The following TBC1D22B variants were observed in gnomAD, a reference collection of about 807,000 sequenced individuals.
The protein encoded by TBC1D22B is chromosome 6 open reading frame 197.
A neutral mutation model predicts 69.1 loss-of-function variants in TBC1D22B; 32 were observed. The ratio of observed to expected loss-of-function variants is 0.46; its 90% CI spans 0.35 to 0.62. TBC1D22B has a LOEUF of 0.62. Among genes scored for constraint, TBC1D22B ranks in the 20% least tolerant of loss-of-function variants. The pLI, the probability that TBC1D22B is intolerant of heterozygous loss-of-function variation, is 0.00. For missense variants in TBC1D22B, 462 were observed against 630.9 expected, an observed-to-expected ratio of 0.73 and a Z score of 2.87; for synonymous variants, 206 against 229.8, an observed-to-expected ratio of 0.90 and a Z score of 0.94.
chr6:37,269,530 C>T lies in TBC1D22B; in HGVS notation c.57-64C>T, dbSNP rs1766413781. On this transcript the variant is annotated intron_variant, in intron 1 of 12. Coordinates refer to ENST00000373491, the MANE Select transcript of TBC1D22B (RefSeq NM_017772.4). ...ATCCAATTTTGTGATGCAGATGGCA[C>T]TTAGCCAACATATTTAGTTTCCTAA... is the stretch of plus-strand genomic sequence containing the variant. 15 of 1,536,342 alleles carry T rather than the reference C, an allele frequency of 9.8e-6. No individual in the cohort carries two copies. The East Asian group carries it at 1.6e-4, about 16-fold the overall frequency.
chr6:37,300,252 G>T (rs962560104), intron 8 of TBC1D22B, among the ~76,000 whole-genome samples: 3 of 151,742 alleles, frequency 2.0e-5, no homozygotes, highest in East Asian at 3.9e-4. Flanking sequence ...TAATTACATG[G>T]TTCTGCTGCT....
chr6:37,274,320 CAGTGT>C (rs1347139355), intron 2 of TBC1D22B, among the ~76,000 whole-genome samples: 2 of 152,200 alleles, frequency 1.3e-5, no homozygotes, highest in Non-Finnish European at 2.9e-5. Context: ...ATTAGTAAGA[CAGTGT>C]AGTATGATCA....
chr6:37,311,881 C>G (rs1042721183), intron 8 of TBC1D22B, among the ~76,000 whole-genome samples: 17 of 152,180 alleles, frequency 1.1e-4, no homozygotes, highest in Admixed American at 2.0e-4. Flanking sequence ...AGGGGCCTTT[C>G]TTGTTGGGCA....
intron 6 of TBC1D22B, among the ~76,000 whole-genome samples, chr6:37,285,503 T>C (rs1321927398): frequency 6.6e-6 from 1 of 151,874 alleles, no homozygotes; most frequent in Non-Finnish European, 1.5e-5. Context: ...TTTTTCTTTA[T>C]CTTTTTTGAG....
chr6:37,328,029 G>A (rs1768478463), intron 12 of TBC1D22B, among the ~76,000 whole-genome samples: 1 of 151,766 alleles, frequency 6.6e-6, no homozygotes. Context: ...AATGTTTGTG[G>A]TGGGCCAGGC....
chr6:37,316,648 GC>G (rs1177767879), intron 10 of TBC1D22B, 54 bp from the exon 11 acceptor site: 7 of 1,608,484 alleles, frequency 4.4e-6, no homozygotes, highest in Non-Finnish European at 6.0e-6. Context: ...GGCTCCTGTG[GC>G]CCTTTCAGGG....
intron 1 of TBC1D22B, among the ~76,000 whole-genome samples, chr6:37,260,016 A>G (rs974719839): frequency 6.6e-6 from 1 of 152,220 alleles, no homozygotes; most frequent in African/African-American, 2.4e-5. Context: ...TGTTTAAGGT[A>G]TTCAAATATT....
chr6:37,316,210 C>A (rs1353310062), intron 10 of TBC1D22B, among the ~76,000 whole-genome samples: 1 of 152,216 alleles, frequency 6.6e-6, no homozygotes, highest in Non-Finnish European at 1.5e-5. Context: ...TCACTTCATA[C>A]ATCAGTGGAA....
At chr6:37,316,889 G>T (rs1218664433) in intron 11 of TBC1D22B, 59 bp downstream of exon 11, 1 of 1,609,430 alleles carries the variant, frequency 6.2e-7, no homozygotes, top group African/African-American at 1.3e-5. Context: ...CCAGCTCTCT[G>T]CCATGTTGTG....
At chr6:37,301,063 A>G (rs1346081042) in intron 8 of TBC1D22B, among the ~76,000 whole-genome samples, 2 of 152,184 alleles carry the variant, frequency 1.3e-5, no homozygotes, top group Non-Finnish European at 2.9e-5. Context: ...TTCATATAGC[A>G]TGTGTCCTTT....
intron 2 of TBC1D22B, 86 bp from the exon 3 acceptor site, chr6:37,279,218 A>G (rs1766750974): frequency 7.7e-7 from 1 of 1,298,866 alleles, no homozygotes; most frequent in Non-Finnish European, 1.1e-6. Flanking sequence ...GGTAGTTTGT[A>G]ATTTATTAAT....
intron 12 of TBC1D22B, among the ~76,000 whole-genome samples, chr6:37,322,431 C>T (rs1274091518): frequency 2.0e-5 from 3 of 152,078 alleles, no homozygotes; most frequent in Non-Finnish European, 4.4e-5. Flanking sequence ...GCAGGAGAAT[C>T]GCTTGAACCT....
intron 6 of TBC1D22B, among the ~76,000 whole-genome samples, chr6:37,285,315 C>CTTTTTTTTTTTTTTTTTTTTTTTT (rs756459599): frequency 5.4e-5 from 4 of 73,562 alleles, no homozygotes; most frequent in African/African-American, 2.4e-4. Context: ...TCCTTCCCCA[C>CTTTTTTTTTTTTTTTTTTTTTTTT]TTTTTTTTTT....
At chr6:37,300,611 C>T (rs1767535796) in intron 8 of TBC1D22B, among the ~76,000 whole-genome samples, 1 of 152,102 alleles carries the variant, frequency 6.6e-6, no homozygotes, top group Non-Finnish European at 1.5e-5. Context: ...CTCCACCCAC[C>T]TTGGCCTCCC....
chr6:37,294,055 C>T (rs777654088), intron 8 of TBC1D22B, among the ~76,000 whole-genome samples: 15 of 152,054 alleles, frequency 9.9e-5, no homozygotes, highest in Non-Finnish European at 1.6e-4. Flanking sequence ...CATGGTGAAG[C>T]GACAAGTGCT....
intron 6 of TBC1D22B, among the ~76,000 whole-genome samples, chr6:37,286,433 G>A (rs1424771653): frequency 4.6e-5 from 7 of 150,748 alleles, no homozygotes; most frequent in Admixed American, 2.0e-4. Flanking sequence ...CTCCTGCCTC[G>A]GCCTCCCGAG....
At position 37,286,015 on chromosome 6, in the gene TBC1D22B, T is replaced by C. The variant is rs530872594; in HGVS notation, c.802-992T>C. ...TTGCAGCTTTCTGAGCTCTTCTAGT[T>C]CTTAGGAACTGTTGATGAGTAAGAT... On this transcript the variant is annotated intron_variant, in intron 6 of 12. Transcript: ENST00000373491. Among the ~76,000 whole-genome samples, 12 of 152,340 alleles carry C rather than the reference T, an allele frequency of 7.9e-5. No individual in the cohort carries two copies. The South Asian group carries it at 2.5e-3, about 32-fold the overall frequency.
At chr6:37,306,034 G>C (rs11965707) in intron 8 of TBC1D22B, among the ~76,000 whole-genome samples, 4,840 of 152,264 alleles carry the variant, frequency 0.032, 241 homozygotes, top group African/African-American at 0.11. Flanking sequence ...TGAGGCTCTT[G>C]CCAGCAGTGT....
chr6:37,322,805 A>G (rs1015917907), intron 12 of TBC1D22B, among the ~76,000 whole-genome samples: 2 of 152,184 alleles, frequency 1.3e-5, no homozygotes, highest in Non-Finnish European at 1.5e-5. Context: ...GCAGCACCAC[A>G]TAATTACAAC....
Sources: gnomAD v4.1 joint callset for allele counts (sites outside exome capture counted in the v4.1 genomes callset) on GRCh38, gnomAD v4.1.1 for gene constraint, MANE v1.5 for transcripts, NCBI Gene and HGNC (gene_info 2026-07-23, HGNC 2026-07-21) for gene names.